CLIC5: variants seen among roughly 807,000 people sequenced by gnomAD.
The protein encoded by CLIC5 is CLIC family member 5.
In CLIC5, 20 loss-of-function variants were observed where a neutral mutation model predicts 24.7. The observed-to-expected ratio is 0.81, with a 90% confidence interval of 0.57 to 1.18. CLIC5 has a LOEUF of 1.18. Ranked by LOEUF, CLIC5 falls within the 50% of genes most tolerant of loss-of-function variation. CLIC5 has a pLI of 0.00. For missense variants in CLIC5, 341 were observed against 326.1 expected (o/e 1.05, Z -0.35); for synonymous variants, 159 against 135.6 (o/e 1.17, Z -1.20).
At chr6:46,104,971 T>C in the CLIC5 span, among the ~76,000 whole-genome samples, 1 of 152,166 alleles carries the variant, frequency 6.6e-6, no homozygotes, top group Non-Finnish European at 1.5e-5. Flanking sequence ...GGTCAGGGAA[T>C]CAATCTCTTT....
intron 1 of CLIC5, among the ~76,000 whole-genome samples, chr6:45,997,714 C>G (rs1466111717): frequency 6.6e-6 from 1 of 152,002 alleles, no homozygotes; most frequent in Non-Finnish European, 1.5e-5. Flanking sequence ...TACTTGTTGG[C>G]AAAAGAAAGA....
At chr6:46,104,275 T>C in the CLIC5 span, among the ~76,000 whole-genome samples, 1 of 152,194 alleles carries the variant, frequency 6.6e-6, no homozygotes, top group Non-Finnish European at 1.5e-5. Flanking sequence ...CCATGAGAGC[T>C]TGACTTGTGA....
chr6:45,903,188 T>C lies in CLIC5; in HGVS notation c.656A>G (p.Lys219Arg). The C allele has an allele frequency of 1.9e-6, 3 of 1,613,772 alleles. No individual in the cohort carries two copies. The highest frequency in any genetic ancestry group is 2.5e-6 in the Non-Finnish European group (3 of 1,179,836). The change falls in exon 6 of 6, where the codon AAG becomes AGG. Residue 219 changes from lysine (K) to arginine (R), a missense_variant. By Grantham distance (26) the Lys-to-Arg change is conservative. Transcript: ENST00000339561. ...AEMTGLWRYL[K>R]NAYARDEFTN... is the part of the protein sequence containing the mutation. ...GAACTCATCACGGGCATAGGCGTTC[T>C]TGAGGTACCGCCACAGGCCTGTCAT...
At chr6:46,062,799 C>A (rs148573897) in intron 1 of CLIC5, among the ~76,000 whole-genome samples, 5 of 152,260 alleles carry the variant, frequency 3.3e-5, no homozygotes, top group African/African-American at 1.2e-4. Context: ...TGGAAGGTAG[C>A]TGGAGAATGG....
chr6:46,071,404 A>C (rs1052476106), intron 1 of CLIC5, among the ~76,000 whole-genome samples: 1 of 152,136 alleles, frequency 6.6e-6, no homozygotes, highest in Non-Finnish European at 1.5e-5. Context: ...CAAGAAAAAA[A>C]CAATCCCATT....
At chr6:46,060,202 G>A (rs1434978326) in intron 1 of CLIC5, among the ~76,000 whole-genome samples, 1 of 152,120 alleles carries the variant, frequency 6.6e-6, no homozygotes, top group Non-Finnish European at 1.5e-5. Context: ...TCCTGTCCAG[G>A]GCCCTGCTGA....
At chr6:46,086,003 G>A in the CLIC5 span, among the ~76,000 whole-genome samples, 1 of 152,208 alleles carries the variant, frequency 6.6e-6, no homozygotes, top group Admixed American at 6.5e-5. Context: ...TCAGACTGCT[G>A]TGCTAGCAAT....
rs183669838 is a variant in CLIC5, at chr6:45,988,537, T to C, written c.63+26943A>G. On this transcript the variant is annotated intron_variant, in intron 1 of 5. Transcript: ENST00000339561. ...ACATGAATTAACCATCACAAGGGGC[T>C]TTAGGAATCATCTGATCCAGCCATC... Among the ~76,000 whole-genome samples the C allele has an allele frequency of 3.2e-3, 492 of 152,286 alleles. 8 individuals are homozygous for C. The highest frequency in any genetic ancestry group is 0.029 in the Admixed American group (444 of 15,290).
At chr6:46,082,076 G>T (rs974735962), upstream of CLIC5, among the ~76,000 whole-genome samples, 1 of 152,034 alleles carries the variant, frequency 6.6e-6, no homozygotes, top group African/African-American at 2.4e-5. Context: ...TCACCCCTTG[G>T]GGGGTGACAC....
intron 1 of CLIC5, among the ~76,000 whole-genome samples, chr6:45,978,240 A>G (rs1765448869): frequency 6.6e-6 from 1 of 152,172 alleles, no homozygotes; most frequent in Non-Finnish European, 1.5e-5. Flanking sequence ...GGTCTGACCC[A>G]TCTATGGTGC....
intron 1 of CLIC5, among the ~76,000 whole-genome samples, chr6:45,975,201 G>T (rs1290499448): frequency 6.6e-6 from 1 of 152,118 alleles, no homozygotes; most frequent in Non-Finnish European, 1.5e-5. Context: ...GAGTGAGCAG[G>T]ATGTAGCTTT....
intron 4 of CLIC5, among the ~76,000 whole-genome samples, chr6:45,924,523 T>C (rs1021320193): frequency 6.6e-6 from 1 of 152,168 alleles, no homozygotes; most frequent in Non-Finnish European, 1.5e-5. Context: ...TTGAAGTGTG[T>C]AGCAAATTAA....
chr6:45,922,366 A>G (rs935377179), intron 4 of CLIC5, among the ~76,000 whole-genome samples: 1 of 152,108 alleles, frequency 6.6e-6, no homozygotes, highest in Non-Finnish European at 1.5e-5. Context: ...GAATTCAGAA[A>G]CTTTCTTAAG....
At chr6:45,942,270 T>C (rs75795052) in intron 3 of CLIC5, among the ~76,000 whole-genome samples, 9,239 of 152,258 alleles carry the variant, frequency 0.061, 338 homozygotes, top group Non-Finnish European at 0.086. Flanking sequence ...TTTATTTTAT[T>C]TTATTTGGAG....
At chr6:46,046,651 T>C (rs191585478) in intron 1 of CLIC5, among the ~76,000 whole-genome samples, 5 of 152,338 alleles carry the variant, frequency 3.3e-5, no homozygotes, top group African/African-American at 1.2e-4. Flanking sequence ...TGAAACCATG[T>C]CCATTTCTGT....
At chr6:45,989,824 G>A (rs996122457) in intron 1 of CLIC5, among the ~76,000 whole-genome samples, 21 of 152,158 alleles carry the variant, frequency 1.4e-4, no homozygotes, top group Admixed American at 2.6e-4. Flanking sequence ...AGCAATTTGA[G>A]GAACTTCACC....
the CLIC5 span, among the ~76,000 whole-genome samples, chr6:46,108,032 C>CAAAAAAAAAAA: frequency 5.9e-3 from 196 of 33,262 alleles, 5 homozygotes; most frequent in Non-Finnish European, 7.6e-3. Context: ...AAAACTCCAT[C>CAAAAAAAAAAA]AAAAAAAAAA....
At chr6:45,907,361 T>G (rs913749999) in intron 5 of CLIC5, among the ~76,000 whole-genome samples, 1 of 152,210 alleles carries the variant, frequency 6.6e-6, no homozygotes, top group Admixed American at 6.5e-5. Flanking sequence ...CAACCATGCA[T>G]CCTAAGAAGA....
chr6:46,056,386 C>CA, intron 1 of CLIC5, among the ~76,000 whole-genome samples: 1 of 152,286 alleles, frequency 6.6e-6, no homozygotes, highest in East Asian at 1.9e-4. Context: ...GGCAGCCCTG[C>CA]AGGCAACTGG....
Sources: allele counts gnomAD v4.1 joint callset (sites outside exome capture counted in the v4.1 genomes callset), GRCh38; gene constraint gnomAD v4.1.1; transcripts MANE v1.5; gene names NCBI Gene and HGNC (gene_info 2026-07-23, HGNC 2026-07-21).